The following GABRB2 variants were observed in gnomAD, a reference collection of about 807,000 sequenced individuals.
GABRB2 encodes the protein gamma-aminobutyric acid receptor subunit beta-2.
Under a neutral mutation model 54.7 loss-of-function variants are expected in GABRB2, and 16 were observed. The observed-to-expected ratio is 0.29, with a 90% confidence interval of 0.20 to 0.44. The LOEUF (loss-of-function observed/expected upper bound fraction) is 0.44. Among genes scored for constraint, GABRB2 ranks in the 20% least tolerant of loss-of-function variants. The pLI is 1.00. For synonymous variants in GABRB2, 244 were observed against 233.8 expected (o/e 1.04, Z -0.40); for missense variants, 355 against 644.0 (o/e 0.55, Z 4.86).
At chr5:161,462,793 GAC>G (rs1169388692) in intron 3 of GABRB2, among the ~76,000 whole-genome samples, 2 of 152,096 alleles carry the variant, frequency 1.3e-5, no homozygotes, top group African/African-American at 4.8e-5. Context: ...TACACATCAT[GAC>G]ACTGTCAAGA....
rs750906001 is a variant in GABRB2, at chr5:161,516,034, T to TA, written c.237+29192dup. ...CTATAGAAAATAAGCCTGGACTTTG[T>TA]AGTGTCACTCCTAAGCCTTGGAGTC... On this transcript the variant is annotated intron_variant, in intron 3 of 9. Transcript: ENST00000393959. Among the ~76,000 whole-genome samples the TA allele has an allele frequency of 8.9e-3, 1,359 of 152,320 alleles. 8 individuals are homozygous for TA. The highest frequency in any genetic ancestry group is 0.013 in the Non-Finnish European group (883 of 68,016).
chr5:161,473,622 T>C (rs1342345974), intron 3 of GABRB2, among the ~76,000 whole-genome samples: 1 of 152,012 alleles, frequency 6.6e-6, no homozygotes, highest in Non-Finnish European at 1.5e-5. Context: ...CTTGATTTGG[T>C]GGATTCTTAG....
chr5:161,305,843 T>C (rs1222086716), intron 9 of GABRB2, among the ~76,000 whole-genome samples: 2 of 152,204 alleles, frequency 1.3e-5, no homozygotes, highest in African/African-American at 2.4e-5. Flanking sequence ...GAGCCAAATG[T>C]TAGGAGAAAA....
chr5:161,471,506 G>A (rs1027065330), intron 3 of GABRB2, among the ~76,000 whole-genome samples: 3 of 152,002 alleles, frequency 2.0e-5, no homozygotes, highest in Non-Finnish European at 4.4e-5. Context: ...CTGCACCTAA[G>A]ATCACCCATA....
rs1181176302 is a variant in GABRB2 at position 161,293,763 on chromosome 5, C to A, written c.*318G>T. 1 of 269,790 alleles carries A rather than the reference C, an allele frequency of 3.7e-6. No individual in the cohort carries two copies. Among genetic ancestry groups the A allele is most frequent in the Admixed American group, 4.9e-5 (1 of 20,610 alleles). 16.7% of individuals were successfully genotyped at this position (269,790 alleles called of 1,614,324 possible). On this transcript the variant is annotated 3_prime_UTR_variant, in exon 10 of 10. Coordinates refer to ENST00000393959, the MANE Select transcript of GABRB2 (RefSeq NM_001371727.1). Reference sequence around the variant, plus strand: ...CCAAATGACTGACAATGCTGTTGAGCCTTCTAAGAATATCTTCCAAATTAT... The same window carrying A: ...CCAAATGACTGACAATGCTGTTGAGACTTCTAAGAATATCTTCCAAATTAT...
intron 4 of GABRB2, among the ~76,000 whole-genome samples, chr5:161,434,216 C>T (rs976402236): frequency 6.6e-5 from 10 of 152,148 alleles, no homozygotes; most frequent in African/African-American, 2.4e-4. Context: ...ATTTATTATT[C>T]TATCAACTGA....
chr5:161,332,667 T>G (rs905245369), intron 7 of GABRB2, among the ~76,000 whole-genome samples: 1 of 152,200 alleles, frequency 6.6e-6, no homozygotes, highest in African/African-American at 2.4e-5. Flanking sequence ...GCCATTGGAA[T>G]GAGAATCTTT....
intron 9 of GABRB2, among the ~76,000 whole-genome samples, chr5:161,325,854 G>A (rs1047223465): frequency 6.6e-6 from 1 of 152,006 alleles, no homozygotes; most frequent in East Asian, 1.9e-4. Context: ...TAATAATGAT[G>A]AGCCTGCCAA....
chr5:161,391,741 T>G (rs1287583717), intron 5 of GABRB2, among the ~76,000 whole-genome samples: 1 of 152,200 alleles, frequency 6.6e-6, no homozygotes, highest in Non-Finnish European at 1.5e-5. Context: ...TAATAGGTAC[T>G]GACCCACAGA....
intron 3 of GABRB2, among the ~76,000 whole-genome samples, chr5:161,524,590 C>T (rs1164591009): frequency 6.6e-6 from 1 of 151,386 alleles, no homozygotes; most frequent in East Asian, 1.9e-4. Context: ...TAGCAATGAA[C>T]TGATTTAGCC....
chr5:161,323,572 C>T (rs1429500309), intron 9 of GABRB2, among the ~76,000 whole-genome samples: 2 of 152,124 alleles, frequency 1.3e-5, no homozygotes, highest in African/African-American at 4.8e-5. Context: ...CTTTGCAGAG[C>T]CTCAGTTTGA....
intron 9 of GABRB2, among the ~76,000 whole-genome samples, chr5:161,321,746 T>C (rs1269408642): frequency 6.6e-6 from 1 of 152,170 alleles, no homozygotes; most frequent in Non-Finnish European, 1.5e-5. Context: ...CTAACTTTTT[T>C]TTCTCCCTTG....
At chr5:161,486,252 T>G (rs1758918127) in intron 3 of GABRB2, among the ~76,000 whole-genome samples, 1 of 151,942 alleles carries the variant, frequency 6.6e-6, no homozygotes, top group Admixed American at 6.6e-5. Flanking sequence ...ACACAAATAT[T>G]TCTCAAACAT....
intron 3 of GABRB2, among the ~76,000 whole-genome samples, chr5:161,476,912 A>G (rs1434576469): frequency 6.6e-6 from 1 of 151,924 alleles, no homozygotes; most frequent in Non-Finnish European, 1.5e-5. Context: ...CAATAGCTTC[A>G]GCAACAATAG....
At chr5:161,384,613 C>A (rs1488094211) in intron 5 of GABRB2, among the ~76,000 whole-genome samples, 1 of 152,178 alleles carries the variant, frequency 6.6e-6, no homozygotes, top group Non-Finnish European at 1.5e-5. Flanking sequence ...ATGGTCTCAG[C>A]TTTTGGTGAA....
At chr5:161,304,903 T>C (rs1757638518) in intron 9 of GABRB2, among the ~76,000 whole-genome samples, 1 of 151,884 alleles carries the variant, frequency 6.6e-6, no homozygotes, top group Non-Finnish European at 1.5e-5. Flanking sequence ...AGGTTGAAAG[T>C]AGGGATTCAT....
chr5:161,289,347 A>G lies in GABRB2; in HGVS notation c.*4734T>C, dbSNP rs1757174189. 1 of 146,664 alleles carries G rather than the reference A, an allele frequency of 6.8e-6. No individual in the cohort carries two copies. The highest frequency in any genetic ancestry group is 2.2e-4 in the South Asian group (1 of 4,600). The allele number at this position is 146,664 out of a possible 1,614,324, so 9.1% of individuals were successfully genotyped here. ...GTGCATTTGGAAAATATTTTTTTAA[A>G]CCTTTGGTGTGAAGCAGCGTCCTTT... On this transcript the variant is annotated 3_prime_UTR_variant, in exon 10 of 10. Coordinates refer to ENST00000393959, the MANE Select transcript of GABRB2 (RefSeq NM_001371727.1).
intron 3 of GABRB2, among the ~76,000 whole-genome samples, chr5:161,480,514 A>T (rs1758731088): frequency 1.3e-5 from 2 of 152,166 alleles, no homozygotes; most frequent in East Asian, 3.9e-4. Flanking sequence ...TAAGATTATT[A>T]TAAGAATTAA....
At chr5:161,476,864 C>A (rs1758606113) in intron 3 of GABRB2, among the ~76,000 whole-genome samples, 1 of 151,864 alleles carries the variant, frequency 6.6e-6, no homozygotes, top group African/African-American at 2.4e-5. Flanking sequence ...AGAAAAGTTT[C>A]ATGACATTGG....
Sources: allele counts gnomAD v4.1 joint callset (sites outside exome capture counted in the v4.1 genomes callset), GRCh38; gene constraint gnomAD v4.1.1; transcripts MANE v1.5; gene names NCBI Gene and HGNC (gene_info 2026-07-23, HGNC 2026-07-21).